ZNF100: variants seen among roughly 807,000 people sequenced by gnomAD.
The protein encoded by ZNF100 is zinc finger protein 100.
A neutral mutation model predicts 15.8 loss-of-function variants in ZNF100; 12 were observed. The ratio of observed to expected loss-of-function variants is 0.76; its 90% CI spans 0.49 to 1.23. ZNF100 has a LOEUF of 1.23. Ranked by LOEUF, ZNF100 falls within the 50% of genes most tolerant of loss-of-function variation. ZNF100 has a pLI of 0.00. For missense variants in ZNF100, 670 were observed against 635.6 expected, an observed-to-expected ratio of 1.05 and a Z score of -0.58; for synonymous variants, 226 against 214.8, an observed-to-expected ratio of 1.05 and a Z score of -0.45.
intron 4 of ZNF100, among the ~76,000 whole-genome samples, chr19:21,731,616 T>G (rs938295932): frequency 3.9e-5 from 6 of 152,178 alleles, no homozygotes; most frequent in Non-Finnish European, 5.9e-5. Context: ...AATGCAACTT[T>G]CTGTCACCAA....
At chr19:21,767,391 C>T (rs771125567) in intron 1 of ZNF100, 36 bp downstream of exon 1, 40 of 1,609,596 alleles carry the variant, frequency 2.5e-5, no homozygotes, top group Non-Finnish European at 3.0e-5. Flanking sequence ...CCAGCCCTTT[C>T]GCCGTCTCTC....
At chr19:21,753,344 T>C (rs2036341068) in intron 2 of ZNF100, 2 of 152,020 alleles carry the variant, frequency 1.3e-5, no homozygotes, top group African/African-American at 4.8e-5. Flanking sequence ...GAGGCTGAGG[T>C]GGGAGGATTA....
chr19:21,741,386 T>TA (rs202171368), intron 4 of ZNF100, among the ~76,000 whole-genome samples: 31 of 151,678 alleles, frequency 2.0e-4, no homozygotes, highest in African/African-American at 6.0e-4. Flanking sequence ...TTATTATTAT[T>TA]TTTTTTGAGA....
At chr19:21,764,688 C>T (rs1028577649) in intron 2 of ZNF100, among the ~76,000 whole-genome samples, 5 of 150,408 alleles carry the variant, frequency 3.3e-5, no homozygotes, top group African/African-American at 9.8e-5. Flanking sequence ...AGACAATAAA[C>T]GTATTACTTT....
chr19:21,751,076 A>G, intron 2 of ZNF100: 1 of 1,434,344 alleles, frequency 7.0e-7, no homozygotes, highest in Non-Finnish European at 9.8e-7. Flanking sequence ...TTAGCTTTGG[A>G]GTCAAACCCT....
chr19:21,746,807 G>A (rs2036218445), intron 2 of ZNF100: 1 of 151,804 alleles, frequency 6.6e-6, no homozygotes, highest in South Asian at 2.1e-4. Context: ...CTCTTGATGT[G>A]AGACTTACTT....
Position 21,726,825 on chromosome 19 carries a change from C to A in ZNF100, c.1487G>T (p.Arg496Leu), listed in dbSNP as rs762415292. Residue 496 changes from arginine (R) to leucine (L), a missense_variant, in exon 5 of 5, where the codon CGA becomes CTA. Coordinates refer to ENST00000358296, the MANE Select transcript of ZNF100 (RefSeq NM_173531.4). ...CTTATGTTTAGTAAGGGTTGAGGATCGGTTAAAAGCTTTGCCACATTCCTC... is the reference window on the plus strand; with the variant it reads ...CTTATGTTTAGTAAGGGTTGAGGATAGGTTAAAAGCTTTGCCACATTCCTC... ...KCEECGKAFNRSSTLTKHKIT... is the reference protein window; with the variant it reads ...KCEECGKAFNLSSTLTKHKIT... 1 of 1,612,772 alleles carries A rather than the reference C, an allele frequency of 6.2e-7. No individual in the cohort carries two copies. Among genetic ancestry groups the A allele is most frequent in the South Asian group, 1.1e-5 (1 of 90,992 alleles).
chr19:21,762,598 G>A (rs78592759), intron 2 of ZNF100, among the ~76,000 whole-genome samples: 42 of 152,148 alleles, frequency 2.8e-4, no homozygotes, highest in East Asian at 2.1e-3. Context: ...TACAAAAGAC[G>A]CTAATAGGCA....
intron 2 of ZNF100, among the ~76,000 whole-genome samples, chr19:21,749,227 C>G (rs2036262414): frequency 6.6e-6 from 1 of 151,094 alleles, no homozygotes; most frequent in African/African-American, 2.4e-5. Flanking sequence ...ACCAAAGTAA[C>G]AGCAAACTAG....
At chr19:21,755,294 T>G (rs2036375023) in intron 2 of ZNF100, among the ~76,000 whole-genome samples, 1 of 142,442 alleles carries the variant, frequency 7.0e-6, no homozygotes. Flanking sequence ...CCAATGAGAG[T>G]GAAAGTCCGT....
At chr19:21,752,471 T>G (rs1454210465) in intron 2 of ZNF100, 3 of 152,648 alleles carry the variant, frequency 2.0e-5, no homozygotes, top group African/African-American at 7.2e-5. Flanking sequence ...GGCAATCATT[T>G]TAAACCAAAA....
chr19:21,738,392 CA>C (rs2036049036), intron 4 of ZNF100, among the ~76,000 whole-genome samples: 1 of 150,730 alleles, frequency 6.6e-6, no homozygotes. Context: ...CTGGAGGCAT[CA>C]TGCTATCCAA....
chr19:21,742,364 A>G (rs1436136623), intron 4 of ZNF100, among the ~76,000 whole-genome samples: 2 of 136,616 alleles, frequency 1.5e-5, no homozygotes, highest in Non-Finnish European at 3.1e-5. Flanking sequence ...ACAACCATTA[A>G]TTTTTCTTTT....
chr19:21,723,565 A>T lies in ZNF100; in HGVS notation c.*3118T>A, dbSNP rs2035720383. ...GATAATTAAGAAATAAAAGATGCAG[A>T]ACTTCTCTTTAAATTCAGCAAGATT... On this transcript the variant is annotated 3_prime_UTR_variant, in exon 5 of 5. Transcript: ENST00000358296. The T allele has an allele frequency of 6.6e-6, 1 of 152,180 alleles. No homozygotes were observed. Among genetic ancestry groups the T allele is most frequent in the Admixed American group, 6.5e-5 (1 of 15,268 alleles). 9.4% of individuals were successfully genotyped at this position (152,180 alleles called of 1,614,324 possible).
chr19:21,762,266 T>C (rs923768604), intron 2 of ZNF100, among the ~76,000 whole-genome samples: 2 of 152,222 alleles, frequency 1.3e-5, no homozygotes, highest in African/African-American at 4.8e-5. Flanking sequence ...ATAAGATGGA[T>C]TATGTAAAAA....
At chr19:21,757,049 C>A (rs2036403068) in intron 2 of ZNF100, among the ~76,000 whole-genome samples, 1 of 152,186 alleles carries the variant, frequency 6.6e-6, no homozygotes, top group African/African-American at 2.4e-5. Context: ...ACCTGTAATT[C>A]CAGCACTTTG....
At position 21,724,219 on chromosome 19, in the gene ZNF100, G is replaced by A. The variant is rs1300569236; in HGVS notation, c.*2464C>T. On this transcript the variant is annotated 3_prime_UTR_variant, in exon 5 of 5. Coordinates refer to ENST00000358296, the MANE Select transcript of ZNF100 (RefSeq NM_173531.4). ...GAATACATTTTCTTTTAGCATTTTTGAGGCTTTTAGTTTTCTAGTAGTCAT... is the reference window on the plus strand; with the variant it reads ...GAATACATTTTCTTTTAGCATTTTTAAGGCTTTTAGTTTTCTAGTAGTCAT... 1.3e-5 allele frequency: 2 copies of A among 152,072 alleles called. No individual in the cohort carries two copies. Among genetic ancestry groups the A allele is most frequent in the Non-Finnish European group, 2.9e-5 (2 of 67,994 alleles). 9.4% of individuals were successfully genotyped at this position (152,072 alleles called of 1,614,324 possible).
At chr19:21,751,000 T>C in intron 2 of ZNF100, 1 of 1,193,056 alleles carries the variant, frequency 8.4e-7, no homozygotes, top group Non-Finnish European at 1.2e-6. Flanking sequence ...AGCCTACCAG[T>C]TGGATTTCGC....
intron 2 of ZNF100, among the ~76,000 whole-genome samples, chr19:21,760,758 T>G (rs866848058): frequency 0.02 from 2,436 of 122,974 alleles, 31 homozygotes; most frequent in Non-Finnish European, 0.028. Context: ...TTTCTTGTTT[T>G]TTTTTTTTTT....
Sources: allele counts gnomAD v4.1 joint callset (sites outside exome capture counted in the v4.1 genomes callset), GRCh38; gene constraint gnomAD v4.1.1; transcripts MANE v1.5; gene names NCBI Gene and HGNC (gene_info 2026-07-23, HGNC 2026-07-21).